Variants in MAMDC2 observed in about 807,000 individuals in gnomAD.
MAMDC2 encodes the protein MAM domain containing 2, also known as MAM domain-containing protein 2.
Under a neutral mutation model 89.8 loss-of-function variants are expected in MAMDC2, and 57 were observed. That is an observed-to-expected ratio of 0.63 (90% CI 0.51 to 0.79). The LOEUF is 0.79. MAMDC2 is among the 30% of genes least tolerant of loss of function. The pLI, the probability that MAMDC2 is intolerant of heterozygous loss-of-function variation, is 0.00. For missense variants in MAMDC2, 800 were observed against 820.6 expected, an observed-to-expected ratio of 0.97 and a Z score of 0.31; for synonymous variants, 313 against 293.4, an observed-to-expected ratio of 1.07 and a Z score of -0.68.
chr9:70,210,802 G>A (rs11142122), intron 11 of MAMDC2, among the ~76,000 whole-genome samples: 129,939 of 151,746 alleles, frequency 0.86, 55,866 homozygotes, highest in East Asian at 0.96. Context: ...TGCTTCCTTC[G>A]GGAGCTCTGT....
chr9:70,128,853 C>T (rs1327165280), intron 6 of MAMDC2, among the ~76,000 whole-genome samples: 7 of 152,084 alleles, frequency 4.6e-5, no homozygotes, highest in East Asian at 1.9e-4. Flanking sequence ...GATGAGGTTT[C>T]GCCATGTTGC....
chr9:70,222,188 A>G (rs950868837), intron 12 of MAMDC2, among the ~76,000 whole-genome samples: 2 of 152,180 alleles, frequency 1.3e-5, no homozygotes, highest in African/African-American at 2.4e-5. Flanking sequence ...GGCATGAGCA[A>G]TTGCTAAAAT....
chr9:70,155,711 G>C, intron 9 of MAMDC2, among the ~76,000 whole-genome samples: 1 of 152,122 alleles, frequency 6.6e-6, no homozygotes, highest in South Asian at 2.1e-4. Flanking sequence ...ACTCCAGTGT[G>C]GCTTCTCATT....
rs947694263 is a variant in MAMDC2 at position 70,226,502 on chromosome 9, A to G, written c.*470A>G. The G allele has an allele frequency of 3.9e-5, 6 of 152,574 alleles. No homozygotes were observed. The highest frequency in any genetic ancestry group is 1.4e-4 in the African/African-American group (6 of 41,444). The allele number at this position is 152,574 out of a possible 1,614,324, so 9.5% of individuals were successfully genotyped here. On this transcript the variant is annotated 3_prime_UTR_variant, in exon 14 of 14. Transcript: ENST00000377182. ...CAGAATGAATGCAGTCTTTCATGCT[A>G]ATGAGTTAGTCTGGAAAAATAAAGT...
intron 2 of MAMDC2, among the ~76,000 whole-genome samples, chr9:70,075,894 G>C (rs1827519573): frequency 6.6e-6 from 1 of 152,236 alleles, no homozygotes; most frequent in African/African-American, 2.4e-5. Flanking sequence ...AGTACTGATG[G>C]AGGGAAATCT....
At chr9:70,216,888 A>G (rs2033455666) in intron 11 of MAMDC2, among the ~76,000 whole-genome samples, 1 of 152,224 alleles carries the variant, frequency 6.6e-6, no homozygotes, top group Admixed American at 6.5e-5. Context: ...AGAAGGATGT[A>G]CTGACTTGTA....
At chr9:70,106,204 G>C (rs999235877) in intron 2 of MAMDC2, among the ~76,000 whole-genome samples, 6 of 152,190 alleles carry the variant, frequency 3.9e-5, no homozygotes, top group Non-Finnish European at 8.8e-5. Context: ...TCCCTTTCTG[G>C]AGTGGGGAAA....
intron 2 of MAMDC2, chr9:70,090,767 A>T (rs907055945): frequency 6.6e-6 from 1 of 152,190 alleles, no homozygotes; most frequent in Non-Finnish European, 1.5e-5. Context: ...TTCCATGGTT[A>T]TACTCAGAAA....
At chr9:70,068,619 C>T (rs1827323848) in intron 2 of MAMDC2, among the ~76,000 whole-genome samples, 1 of 148,534 alleles carries the variant, frequency 6.7e-6, no homozygotes. Context: ...CCTAGCTACT[C>T]GGGAGGCTGA....
intron 2 of MAMDC2, among the ~76,000 whole-genome samples, chr9:70,095,117 G>A (rs1431423382): frequency 1.3e-5 from 2 of 152,168 alleles, no homozygotes; most frequent in Non-Finnish European, 2.9e-5. Context: ...AAAGAGCCTG[G>A]CACCTTAGCT....
chr9:70,224,569 C>G (rs2033615670), intron 12 of MAMDC2, among the ~76,000 whole-genome samples: 1 of 152,182 alleles, frequency 6.6e-6, no homozygotes. Context: ...GTCCCAGTTA[C>G]AGAAGAGAGA....
rs60292765 is a variant in MAMDC2, at chr9:70,099,980, A to AAGAGAGAGAGAGAGAGAG, written c.149-8204_149-8187dup. On this transcript the variant is annotated intron_variant, in intron 2 of 13. Transcript: ENST00000377182. ...ACAGAGCAAGACTCTGCCAAAAAGA[A>AAGAGAGAGAGAGAGAGAG]AGAGAGAGAGAGAGAGAGAGAGAGA... 8.9e-4 allele frequency among the ~76,000 whole-genome samples: 103 copies of AAGAGAGAGAGAGAGAGAG among 115,630 alleles called. 5 individuals are homozygous for AAGAGAGAGAGAGAGAGAG. The highest frequency in any genetic ancestry group is 2.2e-3 in the East Asian group (8 of 3,670). The allele number at this position is 115,630 out of a possible 152,430, so 75.9% of individuals were successfully genotyped here.
At chr9:70,101,648 C>T (rs1828200236) in intron 2 of MAMDC2, among the ~76,000 whole-genome samples, 1 of 152,164 alleles carries the variant, frequency 6.6e-6, no homozygotes, top group Non-Finnish European at 1.5e-5. Flanking sequence ...AGGTTTGTAG[C>T]CTAGGAGTAA....
intron 9 of MAMDC2, among the ~76,000 whole-genome samples, chr9:70,159,867 A>C (rs1165639648): frequency 1.3e-5 from 2 of 152,208 alleles, no homozygotes; most frequent in Non-Finnish European, 2.9e-5. Flanking sequence ...TTTTTAGCCC[A>C]GCACTGATTT....
At chr9:70,183,485 C>G (rs1202065716) in intron 11 of MAMDC2, among the ~76,000 whole-genome samples, 1 of 152,132 alleles carries the variant, frequency 6.6e-6, no homozygotes, top group Non-Finnish European at 1.5e-5. Context: ...GTCTAAGTCT[C>G]TTTGTATGTC....
chr9:70,146,098 TAAC>T (rs2031396851), intron 9 of MAMDC2, among the ~76,000 whole-genome samples: 1 of 152,200 alleles, frequency 6.6e-6, no homozygotes, highest in Non-Finnish European at 1.5e-5. Flanking sequence ...TATCCTCTGT[TAAC>T]AACATGAGTT....
intron 2 of MAMDC2, among the ~76,000 whole-genome samples, chr9:70,078,928 C>G (rs1202936994): frequency 2.0e-5 from 3 of 152,140 alleles, no homozygotes; most frequent in Non-Finnish European, 4.4e-5. Context: ...AATTCTACCT[C>G]CTTAGGAAGT....
intron 2 of MAMDC2, among the ~76,000 whole-genome samples, chr9:70,090,414 T>C (rs1827867574): frequency 6.7e-6 from 1 of 150,024 alleles, no homozygotes. Flanking sequence ...AACCCAGGAG[T>C]TCAGGGCTGC....
At chr9:70,214,804 G>A (rs1473197950) in intron 11 of MAMDC2, among the ~76,000 whole-genome samples, 1 of 152,148 alleles carries the variant, frequency 6.6e-6, no homozygotes, top group Non-Finnish European at 1.5e-5. Flanking sequence ...GCCTTGATGT[G>A]GAGAATCAGA....
Sources: gnomAD v4.1 joint callset for allele counts (sites outside exome capture counted in the v4.1 genomes callset) on GRCh38, gnomAD v4.1.1 for gene constraint, MANE v1.5 for transcripts, NCBI Gene and HGNC (gene_info 2026-07-23, HGNC 2026-07-21) for gene names.